The following TMEM171 variants were observed in gnomAD, a reference collection of about 807,000 sequenced individuals.
The protein encoded by TMEM171 is proline-rich protein PRP2.
Under a neutral mutation model 19.1 loss-of-function variants are expected in TMEM171, and 16 were observed. That is an observed-to-expected ratio of 0.84 (90% CI 0.57 to 1.27). TMEM171 has a LOEUF of 1.27. TMEM171 is among the 50% of genes most tolerant of loss of function. The probability of loss-of-function intolerance (pLI) is 0.00; values close to 1 mark genes in which losing one functional copy is unlikely to be tolerated. For synonymous variants in TMEM171, 153 were observed against 163.4 expected (o/e 0.94, Z 0.48); for missense variants, 429 against 412.7 (o/e 1.04, Z -0.34).
chr5:73,120,703 T>C lies in TMEM171; in HGVS notation c.-69+7T>C. On this transcript the variant is annotated splice_region_variant and intron_variant, in intron 1 of 3. Transcript: ENST00000454765. ...GCGCCGGACCCAGCTTCAGGTAAGC[T>C]GCCCCGGCCCGCGCGCCTGCGCCGG... 1.0e-6 allele frequency: 1 copy of C among 983,308 alleles called. No individual in the cohort carries two copies. Among genetic ancestry groups the C allele is most frequent in the Non-Finnish European group, 1.2e-6 (1 of 829,316 alleles). 60.9% of individuals were successfully genotyped at this position (983,308 alleles called of 1,614,324 possible).
chr5:73,131,736 G>T lies in TMEM171; in HGVS notation c.*6G>T, dbSNP rs1744367239. 6.3e-7 allele frequency: 1 copy of T among 1,595,150 alleles called. No individual in the cohort carries two copies. Among genetic ancestry groups the T allele is most frequent in the Admixed American group, 1.8e-5 (1 of 56,618 alleles). ...CTGAGCCTTCCCCACCGTAAACTAT[G>T]GACTCTAGTTCAGTTTTATATGCAA... On this transcript the variant is annotated 3_prime_UTR_variant, in exon 4 of 4. Transcript: ENST00000454765.
At chr5:73,121,281 T>G (rs534846724) in intron 1 of TMEM171, among the ~76,000 whole-genome samples, 1 of 152,318 alleles carries the variant, frequency 6.6e-6, no homozygotes, top group South Asian at 2.1e-4. Flanking sequence ...ACTGCAAAGT[T>G]GACTATACTG....
chr5:73,128,663 T>C (rs946016291), intron 3 of TMEM171, 132 bp downstream of exon 3: 2 of 1,202,514 alleles, frequency 1.7e-6, no homozygotes, highest in South Asian at 1.5e-5. Flanking sequence ...ATTAGTGTCT[T>C]GATATTAACA....
chr5:73,127,369 T>TAAA lies in TMEM171; in HGVS notation c.641-1007_641-1005dup, dbSNP rs150651292. On this transcript the variant is annotated intron_variant, in intron 2 of 3. Coordinates refer to ENST00000454765, the MANE Select transcript of TMEM171 (RefSeq NM_173490.8). ...AGGCCTACTTTTAAAAAATTTGTGGTAAAAAAAAAAAAAAAATATATATAT... is the reference window on the plus strand; with the variant it reads ...AGGCCTACTTTTAAAAAATTTGTGGTAAAAAAAAAAAAAAAAAAATATATATAT... 3.9e-3 allele frequency among the ~76,000 whole-genome samples: 375 copies of TAAA among 97,090 alleles called. 3 individuals carry two copies. The highest frequency in any genetic ancestry group is 5.8e-3 in the African/African-American group (112 of 19,226). 63.7% of individuals were successfully genotyped at this position (97,090 alleles called of 152,430 possible). A position where few individuals can be genotyped will look rare whatever the true frequency, so the allele number is the denominator to read the frequency against.
At chr5:73,124,366 G>A (rs1344787618) in intron 2 of TMEM171, among the ~76,000 whole-genome samples, 1 of 152,206 alleles carries the variant, frequency 6.6e-6, no homozygotes. Flanking sequence ...GACTCACTAA[G>A]TGACCCTGTT....
chr5:73,127,384 A>AAT (rs59879336), intron 2 of TMEM171, among the ~76,000 whole-genome samples: 1,360 of 81,664 alleles, frequency 0.017, 64 homozygotes, highest in Middle Eastern at 0.043. Flanking sequence ...AAAAAAAAAA[A>AAT]ATATATATAT....
In TMEM171 at chr5:73,123,512, T is replaced by G; in HGVS notation, c.139T>G (p.Cys47Gly). ...GCTCTCCATCTTTGGGTTCCAGGCA[T>G]GCCAATATAAGCCCCTCCCAGACTG... ...VLLSIFGFQA[C>G]QYKPLPDCPM... The change falls in exon 2 of 4, where the codon TGC becomes GGC. Residue 47 changes from cysteine to glycine, a missense_variant. By Grantham distance (159) the Cys-to-Gly change is radical. Coordinates refer to ENST00000454765, the MANE Select transcript of TMEM171 (RefSeq NM_173490.8). 1 of 1,614,222 alleles carries G rather than the reference T, an allele frequency of 6.2e-7. No homozygotes were observed. Among genetic ancestry groups the G allele is most frequent in the Non-Finnish European group, 8.5e-7 (1 of 1,180,038 alleles).
At position 73,131,592 on chromosome 5, in the gene TMEM171, T is replaced by C; in HGVS notation, c.837T>C (p.Tyr279=). 2 of 1,613,848 alleles carry C rather than the reference T, an allele frequency of 1.2e-6. No individual in the cohort carries two copies. The highest frequency in any genetic ancestry group is 1.7e-6 in the Non-Finnish European group (2 of 1,179,928). Residue 279 remains tyrosine, a synonymous_variant, in exon 4 of 4, where the codon TAT becomes TAC. Coordinates refer to ENST00000454765, the MANE Select transcript of TMEM171 (RefSeq NM_173490.8). ...CTGAAAGAGACTGTGAATCTATATA[T>C]ACCATTTCTGGGACGAATTCATCTT... ...AASERDCESI[Y]TISGTNSSSE... is the part of the protein sequence containing the mutation.
At chr5:73,124,822 T>C (rs1171472279) in intron 2 of TMEM171, among the ~76,000 whole-genome samples, 4 of 152,182 alleles carry the variant, frequency 2.6e-5, no homozygotes, top group African/African-American at 9.7e-5. Flanking sequence ...AGCAGTAGCG[T>C]TGGCCTCAGC....
chr5:73,129,767 A>G (rs1744284447), intron 3 of TMEM171, among the ~76,000 whole-genome samples: 1 of 152,234 alleles, frequency 6.6e-6, no homozygotes, highest in Admixed American at 6.5e-5. Flanking sequence ...GATCCCCAAC[A>G]GTTACAGAAG....
chr5:73,124,969 C>G (rs1744123299), intron 2 of TMEM171, among the ~76,000 whole-genome samples: 1 of 152,114 alleles, frequency 6.6e-6, no homozygotes, highest in Non-Finnish European at 1.5e-5. Flanking sequence ...GAACAGAAAC[C>G]ATGGAGAGGA....
Position 73,131,540 on chromosome 5 carries a change from G to A in TMEM171, c.785G>A (p.Arg262Lys), listed in dbSNP as rs763127670. ...PSYYSIFNYG[R>K]TPTSEGAASE... is the part of the protein sequence containing the mutation. ...ATGTTCTCTCTCCTTCTCTTTAGCA[G>A]GACCCCAACTTCAGAGGGTGCAGCC... Residue 262 changes from arginine to lysine, a missense_variant and splice_region_variant, in exon 4 of 4, where the codon AGG becomes AAG. Coordinates refer to ENST00000454765, the MANE Select transcript of TMEM171 (RefSeq NM_173490.8). 5 of 1,591,284 alleles carry A rather than the reference G, an allele frequency of 3.1e-6. No individual in the cohort carries two copies. Among genetic ancestry groups the A allele is most frequent in the Non-Finnish European group, 4.3e-6 (5 of 1,170,058 alleles).
intron 2 of TMEM171, 108 bp downstream of exon 2, chr5:73,124,121 C>T (rs1241989539): frequency 1.0e-6 from 1 of 991,116 alleles, no homozygotes; most frequent in Non-Finnish European, 1.5e-6. Flanking sequence ...ATTCTTCCAT[C>T]TCTCACACAT....
At chr5:73,130,314 T>A (rs2112927393) in intron 3 of TMEM171, among the ~76,000 whole-genome samples, 1 of 152,204 alleles carries the variant, frequency 6.6e-6, no homozygotes, top group South Asian at 2.1e-4. Context: ...GGAGCAGGGC[T>A]GGAGAAGGCT....
chr5:73,121,726 T>G (rs1744012995), intron 1 of TMEM171, among the ~76,000 whole-genome samples: 2 of 152,250 alleles, frequency 1.3e-5, no homozygotes, highest in African/African-American at 2.4e-5. Context: ...TTTTTCCCAG[T>G]GTAAGATTGC....
At chr5:73,127,384 A>AAAAAAATAT in intron 2 of TMEM171, among the ~76,000 whole-genome samples, 1 of 81,696 alleles carries the variant, frequency 1.2e-5, no homozygotes, top group African/African-American at 6.6e-5. Context: ...AAAAAAAAAA[A>AAAAAAATAT]ATATATATAT....
Position 73,131,584 on chromosome 5 carries a change from T to A in TMEM171, c.829T>A (p.Ser277Thr). 6.2e-7 allele frequency: 1 copy of A among 1,612,148 alleles called. No individual in the cohort carries two copies. Among genetic ancestry groups the A allele is most frequent in the East Asian group, 2.2e-5 (1 of 44,772 alleles). The change falls in exon 4 of 4, where the codon TCT becomes ACT. Residue 277 changes from serine to threonine, a missense_variant. By Grantham distance (58) the Ser-to-Thr change is moderately conservative. Coordinates refer to ENST00000454765, the MANE Select transcript of TMEM171 (RefSeq NM_173490.8). Reference sequence around the variant, plus strand: ...TGCAGCCTCTGAAAGAGACTGTGAATCTATATATACCATTTCTGGGACGAA... The same window carrying A: ...TGCAGCCTCTGAAAGAGACTGTGAAACTATATATACCATTTCTGGGACGAA... ...EGAASERDCE[S>T]IYTISGTNSS...
intron 2 of TMEM171, 74 bp downstream of exon 2, chr5:73,124,087 T>G (rs1580234438): frequency 7.8e-7 from 1 of 1,279,734 alleles, no homozygotes; most frequent in Non-Finnish European, 1.1e-6. Context: ...CTGCTCTTGG[T>G]TCTCGTCTGG....
At position 73,127,382 on chromosome 5, in the gene TMEM171, AAAATAT is replaced by A. The variant is rs1471704515; in HGVS notation, c.641-1006_641-1001del. Among the ~76,000 whole-genome samples, 292 of 68,278 alleles carry A rather than the reference AAAATAT, an allele frequency of 4.3e-3. 3 individuals are homozygous for A. The highest frequency in any genetic ancestry group is 0.011 in the African/African-American group (154 of 13,452). The allele number at this position is 68,278 out of a possible 152,430, so 44.8% of individuals were successfully genotyped here. ...AAAAATTTGTGGTAAAAAAAAAAAA[AAAATAT>A]ATATATATATATATATATAAAGCAT... On this transcript the variant is annotated intron_variant, in intron 2 of 3. Coordinates refer to ENST00000454765, the MANE Select transcript of TMEM171 (RefSeq NM_173490.8).
Sources: gnomAD v4.1 joint callset for allele counts (sites outside exome capture counted in the v4.1 genomes callset) on GRCh38, gnomAD v4.1.1 for gene constraint, MANE v1.5 for transcripts, NCBI Gene and HGNC (gene_info 2026-07-23, HGNC 2026-07-21) for gene names.